The following APEX2 variants were observed in gnomAD, a reference collection of about 807,000 sequenced individuals.
APEX2 encodes the protein DNA-(apurinic or apyrimidinic site) endonuclease 2.
A neutral mutation model predicts 16.7 loss-of-function variants in APEX2; 4 were observed. That is an observed-to-expected ratio of 0.24 (90% CI 0.12 to 0.55). The LOEUF is 0.55. Among genes scored for constraint, APEX2 ranks in the 20% least tolerant of loss-of-function variants. The pLI, the probability that APEX2 is intolerant of heterozygous loss-of-function variation, is 0.94. For missense variants in APEX2, 357 were observed against 433.6 expected, an observed-to-expected ratio of 0.82 and a Z score of 1.57; for synonymous variants, 181 against 166.9, an observed-to-expected ratio of 1.08 and a Z score of -0.65.
At position 55,007,060 on chromosome X, in the gene APEX2, G is replaced by A. The variant is rs749260471; in HGVS notation, c.1182G>A (p.Lys394=). ...CTAGCAGAGGCCAGAAAAACCTGAA[G>A]AGCTACTTTCAGCCCTCCCCTAGCT... The part of the protein sequence containing the change: ...VGSSRGQKNL[K]SYFQPSPSCP... Residue 394 remains lysine (K), a synonymous_variant, in exon 6 of 6, where the codon AAG becomes AAA. Transcript: ENST00000374987. The A allele has an allele frequency of 8.3e-7, 1 of 1,209,827 alleles. No individual in the cohort carries two copies. Among genetic ancestry groups the A allele is most frequent in the Admixed American group, 2.2e-5 (1 of 45,785 alleles).
At chrX:55,003,616 G>A (rs753509988) in intron 4 of APEX2, among the ~76,000 whole-genome samples, 183 bp from the exon 5 acceptor site, 1 of 111,855 alleles carries the variant, frequency 8.9e-6, no homozygotes, top group South Asian at 3.8e-4. Context: ...TCAGAATTGG[G>A]TTGGTCAGAT....
Position 55,008,682 on chromosome X carries a change from G to T in APEX2, c.*1247G>T, listed in dbSNP as rs1173526647. The T allele has an allele frequency of 3.4e-5, 4 of 116,367 alleles. No homozygotes were observed. The highest frequency in any genetic ancestry group is 1.3e-4 in the African/African-American group (4 of 30,844). The allele number at this position is 116,367 out of a possible 1,213,427, so 9.6% of individuals were successfully genotyped here. On this transcript the variant is annotated 3_prime_UTR_variant, in exon 6 of 6. Coordinates refer to ENST00000374987, the MANE Select transcript of APEX2 (RefSeq NM_014481.4). ...GAGGAAGACATCCATATCCCCTTAT[G>T]GAAAATACCTCTTTGGTTTTGGGGA...
In APEX2 at chrX:55,006,876, C is replaced by G. The variant is rs866159745; in HGVS notation, c.998C>G (p.Ala333Gly). ...PLCTRFLPEF[A>G]GTQLKILRFL... ...TGCACCCGCTTCCTCCCTGAGTTTG[C>G]AGGCACCCAGCTCAAGATCCTTCGC... The change falls in exon 6 of 6, where the codon GCA (alanine) becomes GGA (glycine). Residue 333 changes from alanine to glycine, a missense_variant. Transcript: ENST00000374987. 1.7e-6 allele frequency: 2 copies of G among 1,211,819 alleles called. No homozygotes were observed. Among genetic ancestry groups the G allele is most frequent in the South Asian group, 3.5e-5 (2 of 56,957 alleles).
chrX:55,008,008 T>C lies in APEX2; in HGVS notation c.*573T>C, dbSNP rs2146710442. ...GGTGAAATCAGCAAGGAAGGTGGGC[T>C]GTGTAGCCTTAAACCAGAGCTTTCC... On this transcript the variant is annotated 3_prime_UTR_variant, in exon 6 of 6. Transcript: ENST00000374987. The C allele has an allele frequency of 8.9e-6, 1 of 112,298 alleles. No individual in the cohort carries two copies. The highest frequency in any genetic ancestry group is 3.2e-5 in the African/African-American group (1 of 30,861). The allele number at this position is 112,298 out of a possible 1,213,427, so 9.3% of individuals were successfully genotyped here. A position where few individuals can be genotyped will look rare whatever the true frequency, so the allele number is the denominator to read the frequency against.
intron 5 of APEX2, among the ~76,000 whole-genome samples, chrX:55,005,116 T>C (rs1221214229): frequency 1.8e-5 from 2 of 112,047 alleles, no homozygotes; most frequent in Non-Finnish European, 3.8e-5. Flanking sequence ...AATGTAGATA[T>C]GGCTCCCAGC....
chrX:55,002,109 C>T lies in APEX2; in HGVS notation c.242-142C>T. The T allele has an allele frequency of 1.1e-5, 6 of 552,554 alleles. No homozygotes were observed. In the South Asian group the frequency reaches 2.5e-4, roughly 23 times the overall value. The allele number at this position is 552,554 out of a possible 1,213,427, so 45.5% of individuals were successfully genotyped here. The stretch of plus-strand genomic sequence containing the variant: ...TTTTTTAGATGTAGGAACTGAGACT[C>T]CAGGGTTTGAATAAGGTTGCCCAAG... On this transcript the variant is annotated intron_variant, in intron 2 of 5. Transcript: ENST00000374987.
chrX:55,002,077 C>A (rs1935451479), intron 2 of APEX2, among the ~76,000 whole-genome samples, 174 bp from the exon 3 acceptor site: 1 of 112,676 alleles, frequency 8.9e-6, no homozygotes, highest in South Asian at 3.7e-4. Context: ...TTAGAACATT[C>A]TGTGGCTTTT....
Position 55,008,958 on chromosome X carries a change from G to A in APEX2, c.*1523G>A, listed in dbSNP as rs1935546745. 4.7e-6 allele frequency: 2 copies of A among 424,930 alleles called. No homozygotes were observed. The highest frequency in any genetic ancestry group is 8.2e-6 in the Non-Finnish European group (2 of 243,537). The allele number at this position is 424,930 out of a possible 1,213,427, so 35.0% of individuals were successfully genotyped here. A position where few individuals can be genotyped will look rare whatever the true frequency, so the allele number is the denominator to read the frequency against. On this transcript the variant is annotated 3_prime_UTR_variant, in exon 6 of 6. Transcript: ENST00000374987. The stretch of plus-strand genomic sequence containing the variant: ...TTCCCTGTTGGTAAAATGGAATGGT[G>A]ACCAACAAGTGACCTATGGTTACCT...
chrX:55,000,366 A>T lies in APEX2; in HGVS notation c.-57A>T. ...CGGGCCTGGCCAACTTCTGAACAGG[A>T]AGCAGTTCGCTCGCGCCTAGGTTGG... On this transcript the variant is annotated 5_prime_UTR_variant, in exon 1 of 6. Coordinates refer to ENST00000374987, the MANE Select transcript of APEX2 (RefSeq NM_014481.4). The T allele has an allele frequency of 9.2e-7, 1 of 1,091,404 alleles. No individual in the cohort carries two copies. The highest frequency in any genetic ancestry group is 3.6e-5 in the Admixed American group (1 of 27,477). The allele number at this position is 1,091,404 out of a possible 1,213,427, so 89.9% of individuals were successfully genotyped here.
Position 55,006,514 on chromosome X carries a change from C to T in APEX2, c.640-4C>T. 1.8e-6 allele frequency: 2 copies of T among 1,109,438 alleles called. No homozygotes were observed. The highest frequency in any genetic ancestry group is 2.4e-6 in the Non-Finnish European group (2 of 845,303). The allele number at this position is 1,109,438 out of a possible 1,213,427, so 91.4% of individuals were successfully genotyped here. On this transcript the variant is annotated splice_polypyrimidine_tract_variant and splice_region_variant and intron_variant, in intron 5 of 5. Coordinates refer to ENST00000374987, the MANE Select transcript of APEX2 (RefSeq NM_014481.4). ...TCTTCCAACCCCCTTTCCTCCTCAC[C>T]TAGGAATGCTTTGAAGAGGACCCAG...
intron 3 of APEX2, 25 bp from the exon 4 acceptor site, chrX:55,002,935 CCT>C (rs765459457): frequency 2.8e-5 from 34 of 1,197,585 alleles, no homozygotes; most frequent in Non-Finnish European, 3.6e-5. Context: ...GAAACTGACC[CCT>C]TTTGGGGGTT....
At chrX:55,002,536 C>T (rs1935458459) in intron 3 of APEX2, 105 bp downstream of exon 3, 6 of 965,909 alleles carry the variant, frequency 6.2e-6, no homozygotes, top group Non-Finnish European at 8.3e-6. Flanking sequence ...TGGAGAAGTT[C>T]CCAAATTTGC....
Position 55,006,544 on chromosome X carries a change from C to T in APEX2, c.666C>T (p.Arg222=). 8.9e-7 allele frequency: 1 copy of T among 1,129,380 alleles called. No homozygotes were observed. Among genetic ancestry groups the T allele is most frequent in the Non-Finnish European group, 1.2e-6 (1 of 855,931 alleles). The allele number at this position is 1,129,380 out of a possible 1,213,427, so 93.1% of individuals were successfully genotyped here. ...NLECFEEDPG[R]KWMDSLLSNL... is the part of the protein sequence containing the mutation. ...AATGCTTTGAAGAGGACCCAGGGCG[C>T]AAGTGGATGGACAGCTTGCTCAGTA... The change falls in exon 6 of 6, where the codon CGC becomes CGT. Residue 222 remains arginine, a synonymous_variant. Transcript: ENST00000374987.
rs1209318695 is a variant in APEX2 at position 55,002,985 on chromosome X, C to T, written c.446C>T (p.Thr149Ile). 2 of 1,209,422 alleles carry T rather than the reference C, an allele frequency of 1.7e-6. No individual in the cohort carries two copies. Among genetic ancestry groups the T allele is most frequent in the Non-Finnish European group, 2.2e-6 (2 of 894,720 alleles). Reference sequence around the variant, plus strand: ...AGCACATGGGAAGGTAAGGAGAAGACCTTGACCCTAATCAACGTGTACTGC... The same window carrying T: ...AGCACATGGGAAGGTAAGGAGAAGATCTTGACCCTAATCAACGTGTACTGC... ...KIRTWEGKEK[T>I]LTLINVYCPH... is the part of the protein sequence containing the mutation. Residue 149 changes from threonine to isoleucine, a missense_variant, in exon 4 of 6, where the codon ACC (threonine) becomes ATC (isoleucine). By Grantham distance (89) the Thr-to-Ile change is moderately conservative. Coordinates refer to ENST00000374987, the MANE Select transcript of APEX2 (RefSeq NM_014481.4).
intron 4 of APEX2, 58 bp from the exon 5 acceptor site, chrX:55,003,741 A>G: frequency 2.7e-6 from 3 of 1,126,315 alleles, no homozygotes; most frequent in Non-Finnish European, 3.6e-6. Flanking sequence ...CCCAGGAAAA[A>G]GTATATGGGC....
At position 55,007,269 on chromosome X, in the gene APEX2, T is replaced by A; in HGVS notation, c.1391T>A (p.Leu464Ter). The A allele has an allele frequency of 8.3e-7, 1 of 1,212,033 alleles. No individual in the cohort carries two copies. ...SFWKSVLAGP[L>*]RTPLCGGHRE... is the part of the protein sequence containing the mutation. ...TGGAAGTCTGTGCTGGCGGGGCCCT[T>A]GCGCACACCCCTCTGTGGGGGCCAC... The change falls in exon 6 of 6, where the codon TTG (leucine) becomes TAG (stop). Residue 464 changes from leucine (L) to a stop codon, truncating the protein, a stop_gained. Coordinates refer to ENST00000374987, the MANE Select transcript of APEX2 (RefSeq NM_014481.4). LOFTEE classifies it high-confidence loss of function.
intron 2 of APEX2, 100 bp from the exon 3 acceptor site, chrX:55,002,151 G>A (rs1935452178): frequency 1.2e-6 from 1 of 845,039 alleles, no homozygotes; most frequent in South Asian, 3.1e-5. Context: ...ACTTTATGAA[G>A]ATGACTTAGA....
Position 55,000,578 on chromosome X carries a change from C to T in APEX2, c.156C>T (p.Thr52=), listed in dbSNP as rs1219738860. 8.3e-7 allele frequency: 1 copy of T among 1,202,594 alleles called. No homozygotes were observed. Among genetic ancestry groups the T allele is most frequent in the Non-Finnish European group, 1.1e-6 (1 of 891,618 alleles). Reference sequence around the variant, plus strand: ...TCTGTCTCCAGGAAACCAAAGTGACCAGTGAGCGCTCTGGATTCCAGGATC... The same window carrying T: ...TCTGTCTCCAGGAAACCAAAGTGACTAGTGAGCGCTCTGGATTCCAGGATC... ...DIVCLQETKV[T]RDALTEPLAI... The change falls in exon 1 of 6, where the codon ACC becomes ACT. Residue 52 remains threonine, a splice_region_variant and synonymous_variant. Coordinates refer to ENST00000374987, the MANE Select transcript of APEX2 (RefSeq NM_014481.4).
rs749704346 is a variant in APEX2, at chrX:55,003,837, G to A, written c.608G>A (p.Arg203His). The change falls in exon 5 of 6, where the codon CGC becomes CAC. Residue 203 changes from arginine (R) to histidine (H), a missense_variant. Physicochemically the swap from Arg to His is conservative, Grantham distance 29. Transcript: ENST00000374987. ...CTGGGTGACCTGAATACAGCCCACCGCCCCATTGACCACTGGGATGCAGTC... is the reference window on the plus strand; with the variant it reads ...CTGGGTGACCTGAATACAGCCCACCACCCCATTGACCACTGGGATGCAGTC... The part of the protein sequence containing the change: ...IILGDLNTAH[R>H]PIDHWDAVNL... 1.3e-5 allele frequency: 16 copies of A among 1,209,635 alleles called. No homozygotes were observed. The highest frequency in any genetic ancestry group is 8.7e-5 in the Admixed American group (4 of 45,786).
Sources: gnomAD v4.1 joint callset for allele counts (sites outside exome capture counted in the v4.1 genomes callset) on GRCh38, gnomAD v4.1.1 for gene constraint, MANE v1.5 for transcripts, NCBI Gene and HGNC (gene_info 2026-07-23, HGNC 2026-07-21) for gene names.